DTNA: variants seen among roughly 807,000 people sequenced by gnomAD.
The protein encoded by DTNA is dystrophin-related protein 3.
DTNA carries 43 observed loss-of-function variants against 100.7 expected under a neutral mutation model. That is an observed-to-expected ratio of 0.43 (90% CI 0.33 to 0.55). The LOEUF (loss-of-function observed/expected upper bound fraction) is 0.55. Among genes scored for constraint, DTNA ranks in the 20% least tolerant of loss-of-function variants. The pLI, the probability that DTNA is intolerant of heterozygous loss-of-function variation, is 0.04. For synonymous variants in DTNA, 349 were observed against 347.9 expected, an observed-to-expected ratio of 1.00 and a Z score of -0.04; for missense variants, 798 against 953.9, an observed-to-expected ratio of 0.84 and a Z score of 2.15.
intron 2 of DTNA, among the ~76,000 whole-genome samples, chr18:34,760,245 C>G (rs1262188375): frequency 1.3e-5 from 2 of 152,248 alleles, no homozygotes; most frequent in East Asian, 3.9e-4. Flanking sequence ...ATCGCCACCC[C>G]AGAAATTCTC....
At position 34,889,437 on chromosome 18, in the gene DTNA, G is replaced by A. The variant is rs1392130559; in HGVS notation, c.*1703G>A. The A allele has an allele frequency of 1.3e-5, 13 of 985,238 alleles. No individual in the cohort carries two copies. Among genetic ancestry groups the A allele is most frequent in the African/African-American group, 1.7e-5 (1 of 57,206 alleles). 61.0% of individuals were successfully genotyped at this position (985,238 alleles called of 1,614,324 possible). A position where few individuals can be genotyped will look rare whatever the true frequency, so the allele number is the denominator to read the frequency against. ...AGAACTACTGCTTTAGAATGAAGTCGTATAATAAAGTCTCTGAAAAGGCCT... is the reference window on the plus strand; with the variant it reads ...AGAACTACTGCTTTAGAATGAAGTCATATAATAAAGTCTCTGAAAAGGCCT... On this transcript the variant is annotated 3_prime_UTR_variant, in exon 23 of 23. Transcript: ENST00000444659.
At chr18:34,573,598 T>C (rs2047809864) in intron 1 of DTNA, among the ~76,000 whole-genome samples, 1 of 152,210 alleles carries the variant, frequency 6.6e-6, no homozygotes, top group Admixed American at 6.5e-5. Flanking sequence ...TAAAATTGTA[T>C]ACATTTATCA....
At chr18:34,861,225 C>G (rs543545658) in intron 16 of DTNA, among the ~76,000 whole-genome samples, 1 of 152,106 alleles carries the variant, frequency 6.6e-6, no homozygotes, top group African/African-American at 2.4e-5. Context: ...GTGGCTCACA[C>G]CTGTCATCTC....
intron 1 of DTNA, chr18:34,755,767 C>A: frequency 1.9e-6 from 1 of 533,456 alleles, no homozygotes; most frequent in South Asian, 2.2e-5. Context: ...TTTTATCCCC[C>A]CTCCAACAAC....
intron 1 of DTNA, among the ~76,000 whole-genome samples, chr18:34,641,076 AAAAT>A (rs1194258236): frequency 7.2e-5 from 11 of 152,276 alleles, no homozygotes; most frequent in African/African-American, 2.6e-4. Context: ...GCTACTAGTA[AAAAT>A]AAATATTAAA....
intron 14 of DTNA, among the ~76,000 whole-genome samples, chr18:34,848,708 G>A (rs2096425587): frequency 6.6e-6 from 1 of 152,042 alleles, no homozygotes; most frequent in South Asian, 2.1e-4. Flanking sequence ...ATTTAAAGCA[G>A]GTGTGGTTAG....
rs1458496980 is a variant in DTNA at position 34,525,329 on chromosome 18, C to T, written c.-2+31815C>T. On this transcript the variant is annotated intron_variant, in intron 1 of 19. Transcript: ENST00000283365. ...CCAGGGCAGAGGTGCCATTCCTCTGCTACCATTCGTTTCTCCACTGCCCTT... is the reference window on the plus strand; with the variant it reads ...CCAGGGCAGAGGTGCCATTCCTCTGTTACCATTCGTTTCTCCACTGCCCTT... Among the ~76,000 whole-genome samples, 8 of 152,126 alleles carry T rather than the reference C, an allele frequency of 5.3e-5. 1 individual carries two copies. The highest frequency in any genetic ancestry group is 1.2e-4 in the Non-Finnish European group (8 of 68,026).
rs540864280 is a variant in DTNA, at chr18:34,811,310, T to G, written c.449-649T>G. ...GACCCTGACTTTACCTCATTGATCA[T>G]CCACAAGACCAGGCTTCCTCTTCAC... On this transcript the variant is annotated intron_variant, in intron 5 of 22. Coordinates refer to ENST00000444659, the MANE Select transcript of DTNA (RefSeq NM_001386795.1). Among the ~76,000 whole-genome samples the G allele has an allele frequency of 4.6e-5, 7 of 152,260 alleles. No individual in the cohort carries two copies. The South Asian group carries it at 1.5e-3, about 32-fold the overall frequency.
intron 1 of DTNA, among the ~76,000 whole-genome samples, chr18:34,552,269 T>C (rs572598158): frequency 8.9e-4 from 136 of 152,138 alleles, no homozygotes; most frequent in Non-Finnish European, 1.4e-3. Flanking sequence ...TGGTAGTATG[T>C]TGTAATCAAC....
intron 1 of DTNA, among the ~76,000 whole-genome samples, chr18:34,571,765 C>T (rs565739789): frequency 4.6e-5 from 7 of 152,238 alleles, no homozygotes; most frequent in Middle Eastern, 3.4e-3. Context: ...GGCCGTTCTG[C>T]CATTGTAAGC....
rs185155333 is a variant in DTNA, at chr18:34,617,659, C to T, written c.-2+124145C>T. On this transcript the variant is annotated intron_variant, in intron 1 of 19. Coordinates refer to the DTNA transcript ENST00000283365. Reference sequence around the variant, plus strand: ...TCACAGAATGAATTAGGGAAGAGTTCCCCCTCCTCAATGTTCTGGAATAGT... The same window carrying T: ...TCACAGAATGAATTAGGGAAGAGTTTCCCCTCCTCAATGTTCTGGAATAGT... Among the ~76,000 whole-genome samples, 24 of 152,224 alleles carry T rather than the reference C, an allele frequency of 1.6e-4. No individual in the cohort carries two copies. The East Asian group carries it at 4.6e-3, about 29-fold the overall frequency.
chr18:34,557,399 C>T (rs9961284), intron 1 of DTNA, among the ~76,000 whole-genome samples: 1,645 of 151,492 alleles, frequency 0.011, 26 homozygotes, highest in African/African-American at 0.039. Context: ...AGCTTTGTTC[C>T]ATTGCTGGTG....
intron 1 of DTNA, among the ~76,000 whole-genome samples, chr18:34,552,618 A>T (rs1307695062): frequency 1.4e-5 from 2 of 147,874 alleles, no homozygotes; most frequent in Non-Finnish European, 3.0e-5. Flanking sequence ...TATGGTGAGA[A>T]TATGCAGTGT....
intron 15 of DTNA, among the ~76,000 whole-genome samples, chr18:34,857,229 C>A (rs142608713): frequency 1.0e-3 from 152 of 152,344 alleles, no homozygotes; most frequent in African/African-American, 3.6e-3. Flanking sequence ...CATCTTCTCA[C>A]CACACCCACG....
intron 1 of DTNA, among the ~76,000 whole-genome samples, chr18:34,531,988 T>A (rs1386357778): frequency 1.3e-5 from 2 of 152,150 alleles, no homozygotes; most frequent in African/African-American, 4.8e-5. Flanking sequence ...TCATGAAGAA[T>A]GAAAATGCTT....
chr18:34,827,611 C>G lies in DTNA; in HGVS notation c.1020C>G (p.Thr340=). The part of the protein sequence containing the change: ...LAHIVPPRPV[T]SMNDTLFSHS... ...GTTTTAGGCCTCCCAGACCTGTAAC[C>G]AGCATGAACGACACCCTGTTCTCCC... Residue 340 remains threonine (T), a synonymous_variant, in exon 10 of 23, where the codon ACC becomes ACG. Transcript: ENST00000444659. 1.2e-6 allele frequency: 2 copies of G among 1,613,916 alleles called. No homozygotes were observed. Among genetic ancestry groups the G allele is most frequent in the South Asian group, 1.1e-5 (1 of 91,074 alleles).
chr18:34,800,832 C>T (rs1464395062), intron 4 of DTNA, among the ~76,000 whole-genome samples: 7 of 152,230 alleles, frequency 4.6e-5, no homozygotes, highest in Admixed American at 3.3e-4. Flanking sequence ...CCAGCCCTAC[C>T]GATCAATATC....
intron 17 of DTNA, among the ~76,000 whole-genome samples, chr18:34,869,120 T>A (rs1005977660): frequency 3.3e-5 from 5 of 152,320 alleles, no homozygotes; most frequent in Non-Finnish European, 5.9e-5. Context: ...AACTTTCATG[T>A]TCATTAATTT....
At chr18:34,798,576 G>A (rs185209657) in intron 4 of DTNA, among the ~76,000 whole-genome samples, 21 of 152,196 alleles carry the variant, frequency 1.4e-4, no homozygotes, top group East Asian at 9.6e-4. Flanking sequence ...ATCTTCTTTC[G>A]TAAGACAGTT....
Sources: allele counts gnomAD v4.1 joint callset (sites outside exome capture counted in the v4.1 genomes callset), GRCh38; gene constraint gnomAD v4.1.1; transcripts MANE v1.5; gene names NCBI Gene and HGNC (gene_info 2026-07-23, HGNC 2026-07-21).